COL21A1: variants seen among roughly 807,000 people sequenced by gnomAD.
The protein encoded by COL21A1 is collagen alpha-1(XXI) chain.
A neutral mutation model predicts 137.9 loss-of-function variants in COL21A1; 149 were observed. That is an observed-to-expected ratio of 1.08 (90% CI 0.95 to 1.24). The LOEUF (loss-of-function observed/expected upper bound fraction) is 1.24. Among genes scored for constraint, COL21A1 ranks in the 50% most tolerant of loss-of-function variants. COL21A1 has a pLI of 0.00. For synonymous variants in COL21A1, 456 were observed against 391.5 expected (o/e 1.16, Z -1.95); for missense variants, 1,167 against 1,158.4 (o/e 1.01, Z -0.11).
chr6:56,145,157 C>T (rs1459397071), intron 10 of COL21A1, among the ~76,000 whole-genome samples: 1 of 152,186 alleles, frequency 6.6e-6, no homozygotes, highest in Non-Finnish European at 1.5e-5. Flanking sequence ...TCTTTTCCAA[C>T]ATTATACAGA....
intron 16 of COL21A1, among the ~76,000 whole-genome samples, chr6:56,109,125 C>A (rs76173937): frequency 2.0e-5 from 3 of 150,438 alleles, no homozygotes; most frequent in Admixed American, 2.0e-4. Context: ...TAACAAAAAA[C>A]GAATGTAAAT....
chr6:56,369,078 A>C (rs1443503745), intron 1 of COL21A1, among the ~76,000 whole-genome samples: 1 of 152,192 alleles, frequency 6.6e-6, no homozygotes, highest in Non-Finnish European at 1.5e-5. Context: ...CAGAGTATCT[A>C]CTATTAGCTG....
chr6:56,125,011 CTTTTTTTTTT>C (rs70986773), intron 14 of COL21A1, among the ~76,000 whole-genome samples: 2 of 54,842 alleles, frequency 3.6e-5, no homozygotes, highest in Admixed American at 5.3e-4. Flanking sequence ...ATCTGTAAAT[CTTTTTTTTTT>C]TTTTTTTTTT....
At chr6:56,183,672 G>C (rs1778067546) in intron 1 of COL21A1, among the ~76,000 whole-genome samples, 1 of 152,118 alleles carries the variant, frequency 6.6e-6, no homozygotes, top group African/African-American at 2.4e-5. Flanking sequence ...GACTTGAAAA[G>C]AAGCAAGAAA....
chr6:56,098,012 AATATATAT>A (rs1373833055), intron 17 of COL21A1, among the ~76,000 whole-genome samples: 4 of 34,894 alleles, frequency 1.1e-4, no homozygotes, highest in African/African-American at 5.6e-4. Context: ...TAAATATATA[AATATATAT>A]AAATATATAT....
chr6:56,082,043 A>G (rs1767819520), intron 17 of COL21A1, among the ~76,000 whole-genome samples: 1 of 151,976 alleles, frequency 6.6e-6, no homozygotes, highest in South Asian at 2.1e-4. Flanking sequence ...GCATTTCTAC[A>G]TTTTTATAAA....
At chr6:56,138,752 C>A (rs1774187439) in intron 12 of COL21A1, among the ~76,000 whole-genome samples, 1 of 152,004 alleles carries the variant, frequency 6.6e-6, no homozygotes, top group African/African-American at 2.4e-5. Context: ...TGAAAATGTG[C>A]AGGAAATAAA....
intron 1 of COL21A1, among the ~76,000 whole-genome samples, chr6:56,376,459 T>TA (rs1257736530): frequency 6.6e-6 from 1 of 150,740 alleles, no homozygotes. Context: ...TTTTTTTTTT[T>TA]AATGAAATGT....
At chr6:56,153,075 T>C (rs1043180566) in intron 10 of COL21A1, among the ~76,000 whole-genome samples, 1 of 152,122 alleles carries the variant, frequency 6.6e-6, no homozygotes, top group Non-Finnish European at 1.5e-5. Context: ...ACATCTTAAG[T>C]AAAAGTGAGA....
At chr6:56,114,661 A>T (rs1771753033) in intron 16 of COL21A1, among the ~76,000 whole-genome samples, 1 of 151,350 alleles carries the variant, frequency 6.6e-6, no homozygotes, top group Non-Finnish European at 1.5e-5. Flanking sequence ...AACATTAAAA[A>T]GTCAGGAAAC....
chr6:56,151,662 A>G lies in COL21A1; in HGVS notation c.1434+5225T>C, dbSNP rs559215830. 2.6e-5 allele frequency among the ~76,000 whole-genome samples: 4 copies of G among 152,342 alleles called. No homozygotes were observed. In the South Asian group the frequency reaches 6.2e-4, roughly 24 times the overall value. ...GCTTGGCCTGGTTATAATGTGTGAA[A>G]GAGATTCAAATAGCTTATTGAGGGG... On this transcript the variant is annotated intron_variant, in intron 10 of 29. Transcript: ENST00000244728.
rs370995803 is a variant in COL21A1 at position 56,182,665 on chromosome 6, A to T, written c.-38-9T>A. ...TTTTGGTTTTAGGATTCCTAGGGGG[A>T]AAAAAAAGGCAAGTTAAATATATTA... is the stretch of plus-strand genomic sequence containing the variant. On this transcript the variant is annotated splice_polypyrimidine_tract_variant and intron_variant, in intron 1 of 29. Coordinates refer to ENST00000244728, the MANE Select transcript of COL21A1 (RefSeq NM_030820.4). 80 of 1,198,548 alleles carry T rather than the reference A, an allele frequency of 6.7e-5. No homozygotes were observed. In the Middle Eastern group the frequency reaches 9.6e-4, roughly 14 times the overall value. The allele number at this position is 1,198,548 out of a possible 1,614,324, so 74.2% of individuals were successfully genotyped here. A position where few individuals can be genotyped will look rare whatever the true frequency, so the allele number is the denominator to read the frequency against.
upstream of COL21A1, among the ~76,000 whole-genome samples, chr6:56,252,445 GTAAT>G (rs1222705405): frequency 6.6e-6 from 1 of 152,102 alleles, no homozygotes; most frequent in African/African-American, 2.4e-5. Context: ...CTGTTTATGT[GTAAT>G]TTATTTTTTA....
At chr6:56,211,185 ATG>A (rs1338350138) in intron 1 of COL21A1, among the ~76,000 whole-genome samples, 1 of 11,310 alleles carries the variant, frequency 8.8e-5, no homozygotes, top group Admixed American at 6.2e-4. Flanking sequence ...ATACATATAT[ATG>A]TATATATGTA....
At chr6:56,171,358 A>G in intron 3 of COL21A1, among the ~76,000 whole-genome samples, 1 of 151,928 alleles carries the variant, frequency 6.6e-6, no homozygotes. Context: ...TTCTCTAAAA[A>G]ATAAGGGATA....
intron 1 of COL21A1, among the ~76,000 whole-genome samples, chr6:56,348,224 T>A (rs1011212345): frequency 4.6e-5 from 7 of 151,896 alleles, no homozygotes; most frequent in Non-Finnish European, 1.0e-4. Flanking sequence ...AAGCTAAGAG[T>A]CCAGAGAGGG....
chr6:56,133,765 G>A (rs1773757313), intron 12 of COL21A1, among the ~76,000 whole-genome samples: 1 of 152,204 alleles, frequency 6.6e-6, no homozygotes, highest in South Asian at 2.1e-4. Context: ...ATGGCTAAAA[G>A]GGACCAAGGT....
At chr6:56,064,058 A>AAGAAGC (rs1766030025) in intron 24 of COL21A1, among the ~76,000 whole-genome samples, 1 of 152,110 alleles carries the variant, frequency 6.6e-6, no homozygotes, top group Non-Finnish European at 1.5e-5. Flanking sequence ...TTTAGTCAAG[A>AAGAAGC]AAGAAGCAAA....
At position 56,170,801 on chromosome 6, in the gene COL21A1, T is replaced by G. The variant is rs376790550; in HGVS notation, c.874A>C (p.Lys292Gln). 1.4e-5 allele frequency: 23 copies of G among 1,610,628 alleles called. No individual in the cohort carries two copies. Among genetic ancestry groups the G allele is most frequent in the South Asian group, 1.3e-4 (12 of 90,758 alleles). The change falls in exon 5 of 30, where the codon AAG (lysine) becomes CAG (glutamine). Residue 292 changes from lysine to glutamine, a missense_variant. By Grantham distance (53) the Lys-to-Gln change is moderately conservative. Coordinates refer to ENST00000244728, the MANE Select transcript of COL21A1 (RefSeq NM_030820.4). ...ATTCTCCATAAATCCCAAATTTTCT[T>G]GACTTTAAATCTTTGAGTAGACACA... ...VFVSTQRFKVKKIWDLWRILT... is the reference protein window; with the variant it reads ...VFVSTQRFKVQKIWDLWRILT...
Sources: allele counts gnomAD v4.1 joint callset (sites outside exome capture counted in the v4.1 genomes callset), GRCh38; gene constraint gnomAD v4.1.1; transcripts MANE v1.5; gene names NCBI Gene and HGNC (gene_info 2026-07-23, HGNC 2026-07-21).